HOOK3: variants seen among roughly 807,000 people sequenced by gnomAD.
HOOK3 encodes hook microtubule tethering protein 3.
Under a neutral mutation model 116.3 loss-of-function variants are expected in HOOK3, and 24 were observed. That is an observed-to-expected ratio of 0.21 (90% CI 0.15 to 0.29). HOOK3 has a LOEUF of 0.29. HOOK3 is among the 10% of genes least tolerant of loss of function. HOOK3 has a pLI of 1.00. For synonymous variants in HOOK3, 275 were observed against 283.0 expected, an observed-to-expected ratio of 0.97 and a Z score of 0.28; for missense variants, 632 against 830.2, an observed-to-expected ratio of 0.76 and a Z score of 2.93.
chr8:42,948,349 A>G (rs531749983), intron 5 of HOOK3, among the ~76,000 whole-genome samples: 4 of 152,338 alleles, frequency 2.6e-5, no homozygotes, highest in Admixed American at 2.0e-4. Flanking sequence ...CGGTAATAGC[A>G]TATCATTTGT....
intron 15 of HOOK3, among the ~76,000 whole-genome samples, chr8:42,997,202 G>A (rs1809295979): frequency 1.3e-5 from 2 of 152,148 alleles, no homozygotes; most frequent in Admixed American, 1.3e-4. Flanking sequence ...CACTTCCTGA[G>A]TGCAGAGATC....
rs568795350 is a variant in HOOK3, at chr8:42,925,418, G to A, written c.144-139G>A. ...TGGCCAACTTGACTGTTAGTAACACGAAAGTTATTTCGTGGCTGATATGTG... is the reference window on the plus strand; with the variant it reads ...TGGCCAACTTGACTGTTAGTAACACAAAAGTTATTTCGTGGCTGATATGTG... On this transcript the variant is annotated intron_variant, in intron 2 of 21. Coordinates refer to ENST00000307602, the MANE Select transcript of HOOK3 (RefSeq NM_032410.4). 2.9e-4 allele frequency: 171 copies of A among 598,004 alleles called. No individual in the cohort carries two copies. In the East Asian group the frequency reaches 4.7e-3, roughly 17 times the overall value. 37.0% of individuals were successfully genotyped at this position (598,004 alleles called of 1,614,324 possible).
In HOOK3 at chr8:43,019,986, A is replaced by G. The variant is rs1268421390; in HGVS notation, c.*1488A>G. 5.1e-6 allele frequency: 1 copy of G among 197,820 alleles called. No individual in the cohort carries two copies. Among genetic ancestry groups the G allele is most frequent in the African/African-American group, 2.3e-5 (1 of 43,462 alleles). 12.3% of individuals were successfully genotyped at this position (197,820 alleles called of 1,614,324 possible). A position where few individuals can be genotyped will look rare whatever the true frequency, so the allele number is the denominator to read the frequency against. ...ATTTGGTTCTTTATGTTAAATACGAATAAGTAACCTCAAATCAAGCTAAAT... is the reference window on the plus strand; with the variant it reads ...ATTTGGTTCTTTATGTTAAATACGAGTAAGTAACCTCAAATCAAGCTAAAT... On this transcript the variant is annotated 3_prime_UTR_variant, in exon 22 of 22. Coordinates refer to ENST00000307602, the MANE Select transcript of HOOK3 (RefSeq NM_032410.4).
chr8:43,006,384 G>C (rs1228202528), intron 17 of HOOK3, among the ~76,000 whole-genome samples: 1 of 151,604 alleles, frequency 6.6e-6, no homozygotes, highest in African/African-American at 2.4e-5. Flanking sequence ...GCACAATCTC[G>C]GCTCACTGCA....
chr8:42,996,385 C>CAAAAAAAA (rs529268164), intron 15 of HOOK3, among the ~76,000 whole-genome samples: 2 of 55,934 alleles, frequency 3.6e-5, no homozygotes, highest in Non-Finnish European at 3.9e-5. Flanking sequence ...GACTCCGTCT[C>CAAAAAAAA]AAAAAAAAAA....
rs184986935 is a variant in HOOK3 at position 43,028,000 on chromosome 8, T to C, written c.*9502T>C. 3 of 193,480 alleles carry C rather than the reference T, an allele frequency of 1.6e-5. No homozygotes were observed. The highest frequency in any genetic ancestry group is 1.2e-4 in the Admixed American group (2 of 16,380). 12.0% of individuals were successfully genotyped at this position (193,480 alleles called of 1,614,324 possible). ...TACCACCATACTTAGAGAAAGTTTTTCTGTTATAAAAATTAATACTAATCC... is the reference window on the plus strand; with the variant it reads ...TACCACCATACTTAGAGAAAGTTTTCCTGTTATAAAAATTAATACTAATCC... On this transcript the variant is annotated 3_prime_UTR_variant, in exon 22 of 22. Transcript: ENST00000307602.
Position 43,022,206 on chromosome 8 carries a change from G to A in HOOK3, c.*3708G>A, listed in dbSNP as rs758755943. ...TCCAGCTTTGGACAGGGTTTATGAC[G>A]TTTCTGTTTCTCTAGTAATGATTAA... On this transcript the variant is annotated 3_prime_UTR_variant, in exon 22 of 22. Transcript: ENST00000307602. 20 of 210,212 alleles carry A rather than the reference G, an allele frequency of 9.5e-5. No individual in the cohort carries two copies. The highest frequency in any genetic ancestry group is 1.4e-4 in the Non-Finnish European group (14 of 103,546). The allele number at this position is 210,212 out of a possible 1,614,324, so 13.0% of individuals were successfully genotyped here. A position where few individuals can be genotyped will look rare whatever the true frequency, so the allele number is the denominator to read the frequency against.
intron 18 of HOOK3, among the ~76,000 whole-genome samples, chr8:43,008,801 A>T (rs1199934863): frequency 2.7e-5 from 4 of 147,740 alleles, no homozygotes; most frequent in African/African-American, 9.9e-5. Context: ...CTGGGACTAC[A>T]GGCGCCCGCC....
At chr8:42,904,209 G>A (rs114451381) in intron 1 of HOOK3, among the ~76,000 whole-genome samples, 1 of 151,946 alleles carries the variant, frequency 6.6e-6, no homozygotes, top group African/African-American at 2.4e-5. Flanking sequence ...TGTCTGTACT[G>A]AGTTTAGCTT....
chr8:43,005,321 C>T (rs1180616279), intron 17 of HOOK3, among the ~76,000 whole-genome samples: 3 of 148,246 alleles, frequency 2.0e-5, no homozygotes, highest in Admixed American at 6.8e-5. Context: ...CCCGGGTTCA[C>T]GACATTCTCC....
rs1014971236 is a variant in HOOK3, at chr8:43,021,315, T to TC, written c.*2823dup. ...GGGAGTTTTACTTCTGACTTTTTTT[T>TC]CCCCCCGAGACGGAGCCTCGTTCCG... On this transcript the variant is annotated 3_prime_UTR_variant, in exon 22 of 22. Transcript: ENST00000307602. 2.1e-5 allele frequency: 4 copies of TC among 188,722 alleles called. No homozygotes were observed. Among genetic ancestry groups the TC allele is most frequent in the South Asian group, 2.0e-4 (1 of 4,986 alleles). The allele number at this position is 188,722 out of a possible 1,614,324, so 11.7% of individuals were successfully genotyped here. A position where few individuals can be genotyped will look rare whatever the true frequency, so the allele number is the denominator to read the frequency against.
chr8:42,996,238 T>G (rs1809263624), intron 15 of HOOK3, among the ~76,000 whole-genome samples: 1 of 151,772 alleles, frequency 6.6e-6, no homozygotes, highest in African/African-American at 2.4e-5. Flanking sequence ...ATACAAAAAT[T>G]AGCCAGGCAT....
chr8:42,983,620 A>T (rs779187015), intron 14 of HOOK3, among the ~76,000 whole-genome samples: 11 of 151,944 alleles, frequency 7.2e-5, no homozygotes, highest in South Asian at 2.1e-4. Flanking sequence ...AGTAGTTGGG[A>T]TCTCAGGCGC....
Position 42,957,091 on chromosome 8 carries a change from C to A in HOOK3, c.469-3C>A. 6.4e-7 allele frequency: 1 copy of A among 1,569,526 alleles called. No individual in the cohort carries two copies. Among genetic ancestry groups the A allele is most frequent in the Non-Finnish European group, 8.7e-7 (1 of 1,148,384 alleles). ...GTTATAATCATTTAAATCTTGATTTCAGCTGATGAGTAAAGAATCTCCTGT... is the reference window on the plus strand; with the variant it reads ...GTTATAATCATTTAAATCTTGATTTAAGCTGATGAGTAAAGAATCTCCTGT... On this transcript the variant is annotated splice_region_variant and splice_polypyrimidine_tract_variant and intron_variant, in intron 6 of 21. Coordinates refer to ENST00000307602, the MANE Select transcript of HOOK3 (RefSeq NM_032410.4).
At chr8:42,935,220 C>T (rs1344565106) in intron 4 of HOOK3, among the ~76,000 whole-genome samples, 2 of 151,872 alleles carry the variant, frequency 1.3e-5, no homozygotes, top group African/African-American at 4.9e-5. Flanking sequence ...ATACCCTTCG[C>T]CCACTTTTTG....
intron 4 of HOOK3, among the ~76,000 whole-genome samples, chr8:42,939,628 C>T (rs1285337932): frequency 1.7e-4 from 26 of 150,476 alleles, no homozygotes; most frequent in African/African-American, 4.4e-4. Context: ...GGGCTGACCC[C>T]CCCACCTCCC....
At chr8:43,008,770 C>T (rs1809545939) in intron 18 of HOOK3, among the ~76,000 whole-genome samples, 1 of 148,488 alleles carries the variant, frequency 6.7e-6, no homozygotes, top group East Asian at 2.0e-4. Context: ...CGCCATTCTC[C>T]TGCCTCAGCC....
At chr8:42,903,338 CTTTTTTT>C (rs1164136399) in intron 1 of HOOK3, among the ~76,000 whole-genome samples, 16 of 87,610 alleles carry the variant, frequency 1.8e-4, no homozygotes, top group Admixed American at 4.4e-4. Context: ...TAATAGTTGT[CTTTTTTT>C]TTTTTTTTTT....
intron 2 of HOOK3, among the ~76,000 whole-genome samples, chr8:42,908,393 C>CA (rs1394501890): frequency 1.3e-5 from 2 of 152,220 alleles, no homozygotes; most frequent in African/African-American, 4.8e-5. Context: ...GGAGAAATCT[C>CA]ACTACCCGAT....
Sources: gnomAD v4.1 joint callset for allele counts (sites outside exome capture counted in the v4.1 genomes callset) on GRCh38, gnomAD v4.1.1 for gene constraint, MANE v1.5 for transcripts, NCBI Gene and HGNC (gene_info 2026-07-23, HGNC 2026-07-21) for gene names.